PALM2AKAP2: variants seen among roughly 807,000 people sequenced by gnomAD.
PALM2AKAP2 encodes the protein PALM2-AKAP2 fusion protein.
PALM2AKAP2 carries 37 observed loss-of-function variants against 71.5 expected under a neutral mutation model. The ratio of observed to expected loss-of-function variants is 0.52; its 90% CI spans 0.40 to 0.68. The LOEUF (loss-of-function observed/expected upper bound fraction) is 0.68, where lower values mean the gene tolerates loss of function less well. Among genes scored for constraint, PALM2AKAP2 ranks in the 30% least tolerant of loss-of-function variants. The pLI is 0.00. For synonymous variants in PALM2AKAP2, 468 were observed against 478.8 expected (o/e 0.98, Z 0.29); for missense variants, 1,224 against 1,191.8 (o/e 1.03, Z -0.40).
intron 1 of PALM2AKAP2, among the ~76,000 whole-genome samples, chr9:110,134,040 A>C (rs576605911): frequency 6.6e-6 from 1 of 152,346 alleles, no homozygotes; most frequent in East Asian, 1.9e-4. Context: ...TAATCCCAGC[A>C]CTCTGGGAGG....
chr9:110,029,736 G>T (rs1481960459), intron 7 of PALM2AKAP2, among the ~76,000 whole-genome samples: 1 of 152,198 alleles, frequency 6.6e-6, no homozygotes, highest in Non-Finnish European at 1.5e-5. Context: ...AGAACCCAGT[G>T]ACAGAAACTA....
At chr9:110,088,703 GTTTTTTTTTTTT>G (rs71373964) in intron 1 of PALM2AKAP2, among the ~76,000 whole-genome samples, 10 of 75,634 alleles carry the variant, frequency 1.3e-4, no homozygotes, top group Admixed American at 9.5e-4. Flanking sequence ...GCATTTACGT[GTTTTTTTTTTTT>G]TTTTTTTTTT....
At chr9:110,138,067 T>G in exon 2 of PALM2AKAP2, 1 of 1,613,994 alleles carries the variant, frequency 6.2e-7, no homozygotes, top group Non-Finnish European at 8.5e-7. Context: ...TAGAGGAAGC[T>G]GAAGCTGCGG....
intron 1 of PALM2AKAP2, among the ~76,000 whole-genome samples, chr9:110,088,814 G>A (rs1256547585): frequency 1.4e-5 from 2 of 143,368 alleles, no homozygotes; most frequent in African/African-American, 5.1e-5. Flanking sequence ...CCGCCTCCCG[G>A]GTTCAAGAAA....
intron 3 of PALM2AKAP2, among the ~76,000 whole-genome samples, chr9:110,160,627 A>T (rs1236525409): frequency 2.0e-5 from 3 of 152,220 alleles, no homozygotes; most frequent in African/African-American, 7.2e-5. Context: ...GTATTTTTCC[A>T]GCCAATTGTT....
intron 1 of PALM2AKAP2, among the ~76,000 whole-genome samples, chr9:109,837,676 G>T (rs1828519406): frequency 6.6e-6 from 1 of 152,120 alleles, no homozygotes; most frequent in Non-Finnish European, 1.5e-5. Context: ...ATAAAGGGAT[G>T]GGGGAAGATC....
chr9:109,874,648 C>T (rs535478720), intron 2 of PALM2AKAP2, among the ~76,000 whole-genome samples: 3 of 152,262 alleles, frequency 2.0e-5, no homozygotes, highest in African/African-American at 4.8e-5. Context: ...CTGACATGTC[C>T]GCTTAGATGG....
chr9:109,803,606 A>G (rs893963310), intron 1 of PALM2AKAP2, among the ~76,000 whole-genome samples: 14 of 152,206 alleles, frequency 9.2e-5, no homozygotes, highest in Non-Finnish European at 1.9e-4. Context: ...TCTGTAGGAA[A>G]TATGTCCTGG....
intron 1 of PALM2AKAP2, among the ~76,000 whole-genome samples, chr9:109,789,713 C>G (rs918810561): frequency 6.6e-6 from 1 of 152,136 alleles, no homozygotes; most frequent in African/African-American, 2.4e-5. Context: ...CTCATAAGTG[C>G]TCTGGGTTTG....
At chr9:109,650,665 A>G (rs1261514212) in intron 1 of PALM2AKAP2, among the ~76,000 whole-genome samples, 1 of 152,194 alleles carries the variant, frequency 6.6e-6, no homozygotes, top group Non-Finnish European at 1.5e-5. Context: ...GCCTTAAGCA[A>G]TCCTCCCACT....
intron 1 of PALM2AKAP2, among the ~76,000 whole-genome samples, chr9:109,832,489 T>G (rs1230631435): frequency 6.6e-6 from 1 of 152,210 alleles, no homozygotes; most frequent in African/African-American, 2.4e-5. Flanking sequence ...ACTTTTCAAC[T>G]TTGGTCCCTA....
intron 3 of PALM2AKAP2, among the ~76,000 whole-genome samples, chr9:109,902,689 G>A (rs552606899): frequency 4.5e-4 from 68 of 152,364 alleles, no homozygotes; most frequent in African/African-American, 1.6e-3. Flanking sequence ...TTTTAGAGTA[G>A]AGGACCTCAT....
intron 1 of PALM2AKAP2, among the ~76,000 whole-genome samples, chr9:109,694,514 G>A (rs1021267295): frequency 6.6e-6 from 1 of 151,848 alleles, no homozygotes; most frequent in Admixed American, 6.6e-5. Context: ...TAACAAAAAT[G>A]TTTAAGATCT....
At chr9:109,864,128 G>T (rs1829383746) in intron 1 of PALM2AKAP2, among the ~76,000 whole-genome samples, 1 of 152,182 alleles carries the variant, frequency 6.6e-6, no homozygotes, top group South Asian at 2.1e-4. Flanking sequence ...AGCTGTGGAT[G>T]CACAGTGGGT....
At chr9:109,768,014 A>AAGG (rs1829187614) in intron 1 of PALM2AKAP2, among the ~76,000 whole-genome samples, 1 of 53,588 alleles carries the variant, frequency 1.9e-5, no homozygotes, top group Non-Finnish European at 3.2e-5. Context: ...GGTAGGTAGG[A>AAGG]AGAAAGGAAG....
intron 1 of PALM2AKAP2, among the ~76,000 whole-genome samples, chr9:109,696,767 T>G (rs781387426): frequency 1.3e-5 from 2 of 152,120 alleles, no homozygotes; most frequent in Non-Finnish European, 2.9e-5. Flanking sequence ...GGCTCACAGC[T>G]CACCCTTCCC....
At chr9:110,152,694 T>C (rs1836351710) in intron 2 of PALM2AKAP2, among the ~76,000 whole-genome samples, 1 of 152,208 alleles carries the variant, frequency 6.6e-6, no homozygotes, top group East Asian at 1.9e-4. Context: ...ACCGTCCTAA[T>C]GGAGAGGACC....
chr9:109,944,615 C>T (rs2132052148), intron 6 of PALM2AKAP2: 1 of 152,142 alleles, frequency 6.6e-6, no homozygotes, highest in Non-Finnish European at 1.5e-5. Flanking sequence ...CCTATCTTCT[C>T]AATGTTAAGC....
chr9:109,707,425 T>C (rs1253444465), intron 1 of PALM2AKAP2, among the ~76,000 whole-genome samples: 1 of 152,120 alleles, frequency 6.6e-6, no homozygotes, highest in African/African-American at 2.4e-5. Flanking sequence ...ACACTTCAGA[T>C]ACAAAGAAGT....
Sources: allele counts gnomAD v4.1 joint callset (sites outside exome capture counted in the v4.1 genomes callset), GRCh38; gene constraint gnomAD v4.1.1; transcripts MANE v1.5; gene names NCBI Gene and HGNC (gene_info 2026-07-23, HGNC 2026-07-21).